GPC6: variants seen among roughly 807,000 people sequenced by gnomAD.
GPC6 encodes glypican 6.
GPC6 carries 14 observed loss-of-function variants against 55.2 expected under a neutral mutation model. The ratio of observed to expected loss-of-function variants is 0.25; its 90% CI spans 0.17 to 0.40. The LOEUF (loss-of-function observed/expected upper bound fraction) is 0.40, where lower values mean the gene tolerates loss of function less well. Among genes scored for constraint, GPC6 ranks in the 10% least tolerant of loss-of-function variants. The pLI, the probability that GPC6 is intolerant of heterozygous loss-of-function variation, is 1.00. For synonymous variants in GPC6, 278 were observed against 259.6 expected, an observed-to-expected ratio of 1.07 and a Z score of -0.68; for missense variants, 641 against 708.5, an observed-to-expected ratio of 0.90 and a Z score of 1.08.
intron 4 of GPC6, among the ~76,000 whole-genome samples, chr13:94,128,139 G>A (rs530279451): frequency 1.3e-5 from 2 of 152,024 alleles, no homozygotes; most frequent in Non-Finnish European, 2.9e-5. Flanking sequence ...AAATCAGTGT[G>A]TTTATTTAGA....
intron 4 of GPC6, among the ~76,000 whole-genome samples, chr13:94,137,330 G>A (rs1164559723): frequency 2.0e-5 from 3 of 152,176 alleles, no homozygotes; most frequent in Non-Finnish European, 2.9e-5. Context: ...TATTATTGAT[G>A]AGAACAGGGC....
chr13:93,247,589 T>C lies in GPC6; in HGVS notation c.160+19973T>C, dbSNP rs568710576. 1.7e-3 allele frequency among the ~76,000 whole-genome samples: 256 copies of C among 152,326 alleles called. 3 individuals carry two copies. Among genetic ancestry groups the C allele is most frequent in the African/African-American group, 5.7e-3 (237 of 41,580 alleles). The stretch of plus-strand genomic sequence containing the variant: ...ATTAGATATCAGGTCAAGCATTATG[T>C]TAAAAGCTTAGGCCAATCTTTTTAT... On this transcript the variant is annotated intron_variant, in intron 1 of 8. Coordinates refer to ENST00000377047, the MANE Select transcript of GPC6 (RefSeq NM_005708.5).
chr13:94,168,297 A>G (rs192526649), intron 4 of GPC6, among the ~76,000 whole-genome samples: 88 of 152,244 alleles, frequency 5.8e-4, no homozygotes, highest in Non-Finnish European at 1.0e-3. Context: ...GCTATCTCGG[A>G]GATTCTATTT....
chr13:93,640,828 CTTTG>C (rs1267195430), intron 2 of GPC6, among the ~76,000 whole-genome samples: 1,270 of 48,700 alleles, frequency 0.026, 41 homozygotes, highest in African/African-American at 0.049. Context: ...TCCTTCCTTC[CTTTG>C]TTCCTTCCTT....
intron 3 of GPC6, among the ~76,000 whole-genome samples, chr13:93,868,620 C>T (rs1180563027): frequency 6.6e-6 from 1 of 151,800 alleles, no homozygotes. Flanking sequence ...CTCTCTTTCA[C>T]TGCCAAAAGG....
At chr13:93,510,975 A>ATATATATATGTG (rs1880941183) in intron 1 of GPC6, among the ~76,000 whole-genome samples, 3 of 6,984 alleles carry the variant, frequency 4.3e-4, no homozygotes, top group African/African-American at 6.3e-4. Flanking sequence ...ATATATGTGT[A>ATATATATATGTG]TATATATATG....
At chr13:93,908,716 C>T (rs745553275) in intron 3 of GPC6, among the ~76,000 whole-genome samples, 7 of 152,258 alleles carry the variant, frequency 4.6e-5, no homozygotes, top group South Asian at 2.1e-4. Flanking sequence ...TTCTCTCCTG[C>T]GACTCTCAGG....
intron 2 of GPC6, among the ~76,000 whole-genome samples, chr13:93,701,378 A>G (rs1009161739): frequency 2.0e-5 from 3 of 151,990 alleles, no homozygotes; most frequent in South Asian, 2.1e-4. Flanking sequence ...AAAAGTACAT[A>G]CATTAATAAA....
At chr13:93,702,441 A>G (rs1882703997) in intron 2 of GPC6, among the ~76,000 whole-genome samples, 1 of 151,854 alleles carries the variant, frequency 6.6e-6, no homozygotes, top group Non-Finnish European at 1.5e-5. Context: ...GGGCCCTAGG[A>G]TTTTCAGAAT....
chr13:93,238,792 A>G (rs2139012240), intron 1 of GPC6, among the ~76,000 whole-genome samples: 1 of 151,116 alleles, frequency 6.6e-6, no homozygotes, highest in Admixed American at 6.6e-5. Context: ...GGGGTTTTTT[A>G]TCATGAAGTG....
chr13:94,374,944 C>T (rs1879769774), intron 6 of GPC6, among the ~76,000 whole-genome samples: 1 of 143,482 alleles, frequency 7.0e-6, no homozygotes, highest in Admixed American at 7.0e-5. Flanking sequence ...AACTGAACAA[C>T]CTGCTCCTGA....
intron 1 of GPC6, among the ~76,000 whole-genome samples, chr13:93,348,552 A>G (rs533599873): frequency 6.6e-6 from 1 of 152,206 alleles, no homozygotes; most frequent in South Asian, 2.1e-4. Context: ...AGGCACTGCA[A>G]TCCACATTAG....
At chr13:93,596,104 G>C (rs574727689) in intron 2 of GPC6, among the ~76,000 whole-genome samples, 1 of 152,194 alleles carries the variant, frequency 6.6e-6, no homozygotes, top group South Asian at 2.1e-4. Flanking sequence ...CCTAGCAAGG[G>C]TTAATCTTTG....
intron 4 of GPC6, among the ~76,000 whole-genome samples, chr13:94,123,178 G>T (rs1886695850): frequency 6.6e-6 from 1 of 151,894 alleles, no homozygotes; most frequent in Non-Finnish European, 1.5e-5. Context: ...AAATATTTAA[G>T]TATCAATATT....
chr13:93,900,953 G>T (rs1364060258), intron 3 of GPC6, among the ~76,000 whole-genome samples: 2 of 152,126 alleles, frequency 1.3e-5, no homozygotes, highest in Admixed American at 6.6e-5. Context: ...AGGCCCAGCT[G>T]TTCTATCCAG....
At position 93,440,621 on chromosome 13, in the gene GPC6, T is replaced by TTTTA. The variant is rs1418188376; in HGVS notation, c.161-104627_161-104624dup. Among the ~76,000 whole-genome samples the TTTTA allele has an allele frequency of 4.6e-5, 7 of 152,052 alleles. No homozygotes were observed. In the East Asian group the frequency reaches 5.8e-4, roughly 13 times the overall value. On this transcript the variant is annotated intron_variant, in intron 1 of 8. Coordinates refer to ENST00000377047, the MANE Select transcript of GPC6 (RefSeq NM_005708.5). ...TAACTAGGTGGAGATCAGGGAGGCA[T>TTTTA]TTTATTTATTTATTTATTCATTTAT...
At chr13:93,726,542 AC>A (rs1192530332) in intron 2 of GPC6, among the ~76,000 whole-genome samples, 2 of 151,998 alleles carry the variant, frequency 1.3e-5, no homozygotes, top group Non-Finnish European at 2.9e-5. Context: ...AAATTTCATA[AC>A]CCTTCTAAGG....
At chr13:93,405,876 C>A (rs1360176876) in intron 1 of GPC6, among the ~76,000 whole-genome samples, 1 of 152,178 alleles carries the variant, frequency 6.6e-6, no homozygotes, top group African/African-American at 2.4e-5. Context: ...TTTGCCTGGG[C>A]CCCTTCATGC....
chr13:93,549,645 C>T (rs1384691730), intron 2 of GPC6, among the ~76,000 whole-genome samples: 2 of 152,250 alleles, frequency 1.3e-5, no homozygotes, highest in South Asian at 2.1e-4. Context: ...GATGTGCTGG[C>T]GTCTTGTGGT....
Sources: allele counts gnomAD v4.1 joint callset (sites outside exome capture counted in the v4.1 genomes callset), GRCh38; gene constraint gnomAD v4.1.1; transcripts MANE v1.5; gene names NCBI Gene and HGNC (gene_info 2026-07-23, HGNC 2026-07-21).